Variants in RCL1 observed in about 807,000 individuals in gnomAD.
RCL1 encodes the protein RNA terminal phosphate cyclase like 1, also known as RNA 3'-terminal phosphate cyclase-like protein.
In RCL1, 24 loss-of-function variants were observed where a neutral mutation model predicts 42.4. The ratio of observed to expected loss-of-function variants is 0.57; its 90% CI spans 0.41 to 0.80. The LOEUF is 0.80. Among genes scored for constraint, RCL1 ranks in the 30% least tolerant of loss-of-function variants. RCL1 has a pLI of 0.00. For missense variants in RCL1, 578 were observed against 467.9 expected, an observed-to-expected ratio of 1.24 and a Z score of -2.17; for synonymous variants, 228 against 177.3, an observed-to-expected ratio of 1.29 and a Z score of -2.27.
chr9:4,814,574 C>G (rs892659972), intron 1 of RCL1, among the ~76,000 whole-genome samples: 2 of 152,170 alleles, frequency 1.3e-5, no homozygotes, highest in Non-Finnish European at 2.9e-5. Context: ...GCCTCCTGTC[C>G]TTATAAAAAT....
intron 5 of RCL1, among the ~76,000 whole-genome samples, chr9:4,839,317 G>A (rs1817236999): frequency 6.6e-6 from 1 of 152,146 alleles, no homozygotes; most frequent in Admixed American, 6.5e-5. Flanking sequence ...AGTCAGATCT[G>A]TTTAATTTTG....
intron 1 of RCL1, among the ~76,000 whole-genome samples, chr9:4,817,119 T>A (rs971890638): frequency 7.8e-6 from 1 of 127,958 alleles, no homozygotes; most frequent in African/African-American, 2.9e-5. Context: ...TCCCGGCCAA[T>A]AATTATTTTT....
At chr9:4,828,509 G>A (rs1431114232) in intron 3 of RCL1, among the ~76,000 whole-genome samples, 1 of 150,660 alleles carries the variant, frequency 6.6e-6, no homozygotes, top group East Asian at 1.9e-4. Flanking sequence ...AGCTGTAAAG[G>A]AATGTTGCGT....
chr9:4,813,422 C>A (rs951704821), intron 1 of RCL1, among the ~76,000 whole-genome samples: 1 of 152,106 alleles, frequency 6.6e-6, no homozygotes, highest in African/African-American at 2.4e-5. Context: ...ATGCAGCCAA[C>A]AGACACATGA....
At chr9:4,851,372 G>C (rs531050168) in intron 8 of RCL1, among the ~76,000 whole-genome samples, 1 of 152,174 alleles carries the variant, frequency 6.6e-6, no homozygotes, top group Non-Finnish European at 1.5e-5. Flanking sequence ...GGAAGCCTCC[G>C]TTCTTTTTGG....
intron 6 of RCL1, among the ~76,000 whole-genome samples, chr9:4,842,836 C>T (rs758501335): frequency 1.3e-5 from 2 of 152,156 alleles, no homozygotes; most frequent in South Asian, 2.1e-4. Context: ...GGCTTCATCT[C>T]GATAGTCCCT....
chr9:4,827,687 C>G (rs1816804852), intron 3 of RCL1, among the ~76,000 whole-genome samples: 1 of 150,548 alleles, frequency 6.6e-6, no homozygotes, highest in Non-Finnish European at 1.5e-5. Flanking sequence ...TCAAGCAAAA[C>G]TTTTTATTGT....
chr9:4,848,205 G>A (rs190687947), intron 7 of RCL1, among the ~76,000 whole-genome samples: 1,888 of 152,256 alleles, frequency 0.012, 39 homozygotes, highest in African/African-American at 0.043. Flanking sequence ...TTCTTTTTGG[G>A]TAGAAAAGGA....
At chr9:4,837,740 AC>A (rs1322702876) in intron 5 of RCL1, among the ~76,000 whole-genome samples, 1 of 152,156 alleles carries the variant, frequency 6.6e-6, no homozygotes, top group Non-Finnish European at 1.5e-5. Context: ...CTTGGGTGTA[AC>A]TATGTTCCTC....
intron 3 of RCL1, among the ~76,000 whole-genome samples, chr9:4,830,783 C>T (rs939738728): frequency 2.0e-5 from 3 of 152,142 alleles, no homozygotes; most frequent in African/African-American, 7.2e-5. Context: ...GAGCAGGTTT[C>T]TTCCTCTCTT....
At chr9:4,844,153 A>T (rs118118002) in intron 6 of RCL1, among the ~76,000 whole-genome samples, 3,081 of 152,270 alleles carry the variant, frequency 0.02, 37 homozygotes, top group Middle Eastern at 0.027. Context: ...TGCCAGACAC[A>T]TAGAAAGTAT....
At chr9:4,836,061 T>C (rs746555418) in intron 5 of RCL1, among the ~76,000 whole-genome samples, 3 of 151,624 alleles carry the variant, frequency 2.0e-5, no homozygotes, top group Non-Finnish European at 4.4e-5. Context: ...GATAAGAGAG[T>C]GTGACAAGGA....
At position 4,842,437 on chromosome 9, in the gene RCL1, G is replaced by T. The variant is rs570602174; in HGVS notation, c.710+1080G>T. Among the ~76,000 whole-genome samples the T allele has an allele frequency of 7.9e-4, 120 of 152,318 alleles. 2 individuals are homozygous for T. Among genetic ancestry groups the T allele is most frequent in the Non-Finnish European group, 2.9e-4 (20 of 68,016 alleles). On this transcript the variant is annotated intron_variant, in intron 6 of 8. Coordinates refer to ENST00000381750, the MANE Select transcript of RCL1 (RefSeq NM_005772.5). Reference sequence around the variant, plus strand: ...AGGTAGTTTTAGAAATACAGTGGAGGCTCATAGTCCAAAGCAACAAAGCTG... The same window carrying T: ...AGGTAGTTTTAGAAATACAGTGGAGTCTCATAGTCCAAAGCAACAAAGCTG...
Position 4,827,042 on chromosome 9 carries a change from TGA to T in RCL1, c.384+12_384+13del. ...ATCAGGTTGACCCTTCAGTGAGTAT[TGA>T]GAACAAACCGTGGTGTGGTTTTTGT... is the stretch of plus-strand genomic sequence containing the variant. On this transcript the variant is annotated intron_variant, in intron 3 of 8. Coordinates refer to ENST00000381750, the MANE Select transcript of RCL1 (RefSeq NM_005772.5). The T allele has an allele frequency of 6.2e-7, 1 of 1,614,208 alleles. No individual in the cohort carries two copies. The highest frequency in any genetic ancestry group is 8.5e-7 in the Non-Finnish European group (1 of 1,180,028).
chr9:4,806,249 T>C (rs1815957046), intron 1 of RCL1, among the ~76,000 whole-genome samples: 1 of 152,140 alleles, frequency 6.6e-6, no homozygotes, highest in African/African-American at 2.4e-5. Context: ...CTTATTGCAC[T>C]GGCTAGAATT....
At chr9:4,832,341 C>T (rs1816968190) in intron 3 of RCL1, among the ~76,000 whole-genome samples, 1 of 152,134 alleles carries the variant, frequency 6.6e-6, no homozygotes, top group Non-Finnish European at 1.5e-5. Flanking sequence ...TCATCACCTT[C>T]CCTTTAGCTG....
chr9:4,808,286 C>G (rs1816051387), intron 1 of RCL1, among the ~76,000 whole-genome samples: 1 of 151,958 alleles, frequency 6.6e-6, no homozygotes, highest in African/African-American at 2.4e-5. Flanking sequence ...TAATGTATCA[C>G]TCTGTCTCTA....
rs748176360 is a variant in RCL1, at chr9:4,844,692, A to C, written c.867+11A>C. ...GAGGAAATCTACAGGGTATGTCCAC[A>C]GCTTCCTCTGATAGAGGAGTGACCA... On this transcript the variant is annotated intron_variant, in intron 7 of 8. Coordinates refer to ENST00000381750, the MANE Select transcript of RCL1 (RefSeq NM_005772.5). 1 of 1,607,320 alleles carries C rather than the reference A, an allele frequency of 6.2e-7. No individual in the cohort carries two copies. The highest frequency in any genetic ancestry group is 1.1e-5 in the South Asian group (1 of 90,024).
intron 5 of RCL1, chr9:4,836,884 A>G (rs1817155568): frequency 6.6e-6 from 1 of 152,176 alleles, no homozygotes; most frequent in Non-Finnish European, 1.5e-5. Flanking sequence ...GATCATCAAA[A>G]CCACAGGAAT....
Sources: gnomAD v4.1 joint callset for allele counts (sites outside exome capture counted in the v4.1 genomes callset) on GRCh38, gnomAD v4.1.1 for gene constraint, MANE v1.5 for transcripts, NCBI Gene and HGNC (gene_info 2026-07-23, HGNC 2026-07-21) for gene names.